Variants in AUH observed in about 807,000 individuals in gnomAD.
AUH encodes methylglutaconyl-CoA hydratase, mitochondrial.
A neutral mutation model predicts 42.3 loss-of-function variants in AUH; 29 were observed. That is an observed-to-expected ratio of 0.69 (90% CI 0.51 to 0.93). AUH has a LOEUF of 0.93. Among genes scored for constraint, AUH ranks in the 40% least tolerant of loss-of-function variants. The probability of loss-of-function intolerance (pLI) is 0.00; values close to 1 mark genes in which losing one functional copy is unlikely to be tolerated. For missense variants in AUH, 452 were observed against 438.1 expected (o/e 1.03, Z -0.28); for synonymous variants, 174 against 166.4 (o/e 1.05, Z -0.35).
rs574045476 is a variant in AUH, at chr9:91,260,264, A to G, written c.655+35757T>C. Among the ~76,000 whole-genome samples the G allele has an allele frequency of 6.6e-5, 10 of 152,256 alleles. 1 individual carries two copies. In the South Asian group the frequency reaches 1.7e-3, roughly 25 times the overall value. On this transcript the variant is annotated intron_variant, in intron 6 of 9. Coordinates refer to ENST00000375731, the MANE Select transcript of AUH (RefSeq NM_001698.3). ...GTCTTTTATAAACAGCATGCCATTGAATCTACTGGTTTAATCTGACAATCT... is the reference window on the plus strand; with the variant it reads ...GTCTTTTATAAACAGCATGCCATTGGATCTACTGGTTTAATCTGACAATCT...
At chr9:91,332,232 TG>T (rs1830380039) in intron 3 of AUH, among the ~76,000 whole-genome samples, 1 of 152,196 alleles carries the variant, frequency 6.6e-6, no homozygotes, top group African/African-American at 2.4e-5. Flanking sequence ...CTGGGCGCGG[TG>T]GCTCACGCCT....
chr9:91,336,851 G>C (rs901414204), intron 3 of AUH, among the ~76,000 whole-genome samples: 11 of 152,096 alleles, frequency 7.2e-5, no homozygotes, highest in African/African-American at 2.4e-4. Flanking sequence ...TGAAAACACT[G>C]ATGGCTCTTA....
At chr9:91,230,661 A>T (rs904650519) in intron 6 of AUH, among the ~76,000 whole-genome samples, 1 of 151,958 alleles carries the variant, frequency 6.6e-6, no homozygotes, top group Non-Finnish European at 1.5e-5. Flanking sequence ...TTTTCTGTTC[A>T]GTTTTTTCCC....
At chr9:91,287,171 T>A (rs999900473) in intron 6 of AUH, among the ~76,000 whole-genome samples, 1 of 152,130 alleles carries the variant, frequency 6.6e-6, no homozygotes, top group Non-Finnish European at 1.5e-5. Flanking sequence ...AGGGACATCA[T>A]GCAACCCCAA....
intron 3 of AUH, among the ~76,000 whole-genome samples, chr9:91,334,155 T>C (rs1055104802): frequency 3.3e-5 from 5 of 152,212 alleles, no homozygotes; most frequent in African/African-American, 1.2e-4. Context: ...TCATATGGAA[T>C]GCAAAGTGGC....
intron 7 of AUH, chr9:91,219,066 A>T: frequency 1.0e-6 from 1 of 981,686 alleles, no homozygotes; most frequent in Non-Finnish European, 1.2e-6. Flanking sequence ...GTAACCACAC[A>T]ATGGGATGCG....
intron 4 of AUH, among the ~76,000 whole-genome samples, chr9:91,313,750 T>C (rs1027484300): frequency 7.4e-5 from 11 of 147,772 alleles, no homozygotes; most frequent in Non-Finnish European, 1.5e-4. Flanking sequence ...ACAAACTTTA[T>C]GAGAAGAACT....
chr9:91,214,128 ACT>A lies in AUH; in HGVS notation c.*218_*219del, dbSNP rs1057515675. On this transcript the variant is annotated 3_prime_UTR_variant, in exon 10 of 10. Transcript: ENST00000375731. ...ATATCTAACTTTGATTCTGTTTCTG[ACT>A]ATACACTACTAGCTTTATAAATCTG... The A allele has an allele frequency of 1.4e-4, 68 of 502,684 alleles. 2 individuals are homozygous for A. In the Middle Eastern group the frequency reaches 5.9e-3, roughly 43 times the overall value. 31.1% of individuals were successfully genotyped at this position (502,684 alleles called of 1,614,324 possible). A position where few individuals can be genotyped will look rare whatever the true frequency, so the allele number is the denominator to read the frequency against.
chr9:91,290,623 A>C (rs1414351821), intron 6 of AUH, among the ~76,000 whole-genome samples: 10 of 152,200 alleles, frequency 6.6e-5, no homozygotes, highest in African/African-American at 1.9e-4. Context: ...ACTCTAAAGA[A>C]CTTAAGTATA....
chr9:91,251,282 G>T (rs1829113326), intron 6 of AUH, among the ~76,000 whole-genome samples: 1 of 152,160 alleles, frequency 6.6e-6, no homozygotes, highest in African/African-American at 2.4e-5. Flanking sequence ...CTCTTATCAA[G>T]ACATGAAAAT....
intron 6 of AUH, among the ~76,000 whole-genome samples, chr9:91,293,827 T>C (rs1218894539): frequency 1.3e-5 from 2 of 152,336 alleles, no homozygotes; most frequent in South Asian, 4.1e-4. Context: ...AGGACTTTCA[T>C]AGCTACAGAA....
chr9:91,317,651 T>A (rs1829259753), intron 4 of AUH, among the ~76,000 whole-genome samples: 2 of 152,228 alleles, frequency 1.3e-5, no homozygotes, highest in African/African-American at 4.8e-5. Context: ...GTTTCCTGCC[T>A]ACTACAGAAA....
Position 91,227,306 on chromosome 9 carries a change from T to A in AUH, c.656-6314A>T, listed in dbSNP as rs1022560971. ...TGGATTCCTAGGTATTTTATTCTCT[T>A]TGAAGCAATTGTGAATGGGAGTTCA... On this transcript the variant is annotated intron_variant, in intron 6 of 9. Transcript: ENST00000375731. 3.8e-5 allele frequency among the ~76,000 whole-genome samples: 5 copies of A among 131,148 alleles called. No homozygotes were observed. In the East Asian group the frequency reaches 9.1e-4, roughly 24 times the overall value. 86.0% of individuals were successfully genotyped at this position (131,148 alleles called of 152,430 possible).
At chr9:91,282,705 A>T (rs1320526342) in intron 6 of AUH, among the ~76,000 whole-genome samples, 2 of 152,188 alleles carry the variant, frequency 1.3e-5, no homozygotes, top group Non-Finnish European at 2.9e-5. Flanking sequence ...TAAACTAGAA[A>T]ATCTAGAAGA....
intron 7 of AUH, among the ~76,000 whole-genome samples, chr9:91,219,143 C>G (rs571281442): frequency 6.6e-6 from 1 of 152,034 alleles, no homozygotes; most frequent in Non-Finnish European, 1.5e-5. Context: ...TCAGGCGGGG[C>G]GGTGTGTGGA....
At chr9:91,315,478 G>C (rs79164010) in intron 4 of AUH, among the ~76,000 whole-genome samples, 6,468 of 152,214 alleles carry the variant, frequency 0.042, 211 homozygotes, top group Non-Finnish European at 0.058. Flanking sequence ...GCAGTTTCTG[G>C]ATTCTGGCCA....
chr9:91,230,785 A>C (rs2131286941), intron 6 of AUH, among the ~76,000 whole-genome samples: 1 of 152,280 alleles, frequency 6.6e-6, no homozygotes, highest in Non-Finnish European at 1.5e-5. Context: ...CAGGACCCTC[A>C]GCTGCAGGTC....
intron 6 of AUH, among the ~76,000 whole-genome samples, chr9:91,281,826 C>A (rs1171129809): frequency 6.6e-6 from 1 of 152,096 alleles, no homozygotes; most frequent in Non-Finnish European, 1.5e-5. Context: ...AGTAGAGGCC[C>A]CTATCACATT....
intron 4 of AUH, among the ~76,000 whole-genome samples, chr9:91,306,134 C>T (rs1404459551): frequency 6.6e-6 from 1 of 151,782 alleles, no homozygotes; most frequent in Non-Finnish European, 1.5e-5. Flanking sequence ...TGGAAACCCC[C>T]AAAACCCACA....
Sources: gnomAD v4.1 joint callset for allele counts (sites outside exome capture counted in the v4.1 genomes callset) on GRCh38, gnomAD v4.1.1 for gene constraint, MANE v1.5 for transcripts, NCBI Gene and HGNC (gene_info 2026-07-23, HGNC 2026-07-21) for gene names.